CCDC73: variants seen among roughly 807,000 people sequenced by gnomAD.
CCDC73 encodes coiled-coil domain-containing protein 73.
In CCDC73, 95 loss-of-function variants were observed where a neutral mutation model predicts 116.5. The ratio of observed to expected loss-of-function variants is 0.82; its 90% confidence interval spans 0.69 to 0.97. The LOEUF (loss-of-function observed/expected upper bound fraction) is 0.97. CCDC73 is among the 50% of genes least tolerant of loss of function. CCDC73 has a pLI of 0.00. For synonymous variants in CCDC73, 398 were observed against 401.3 expected, an observed-to-expected ratio of 0.99 and a Z score of 0.10; for missense variants, 1,066 against 1,206.8, an observed-to-expected ratio of 0.88 and a Z score of 1.73.
At chr11:32,623,608 C>T (rs987142654) in intron 14 of CCDC73, among the ~76,000 whole-genome samples, 3 of 152,092 alleles carry the variant, frequency 2.0e-5, no homozygotes, top group African/African-American at 7.2e-5. Flanking sequence ...CCTGCCTTGG[C>T]CCCCAAAAGT....
At chr11:32,737,265 GTGTGTGTGTA>G (rs1285427160) in intron 2 of CCDC73, among the ~76,000 whole-genome samples, 3 of 145,066 alleles carry the variant, frequency 2.1e-5, no homozygotes, top group African/African-American at 8.1e-5. Flanking sequence ...GTGTGTGTGT[GTGTGTGTGTA>G]TATACATGGT....
At chr11:32,739,575 A>G (rs1565089685) in intron 2 of CCDC73, among the ~76,000 whole-genome samples, 1 of 152,118 alleles carries the variant, frequency 6.6e-6, no homozygotes, top group Non-Finnish European at 1.5e-5. Flanking sequence ...GAATATGTTT[A>G]TCAGTTCTAA....
chr11:32,676,341 G>C (rs1439453583), intron 7 of CCDC73, among the ~76,000 whole-genome samples: 1 of 152,046 alleles, frequency 6.6e-6, no homozygotes, highest in African/African-American at 2.4e-5. Context: ...AGAAAAGTGA[G>C]GAGAAAAAGC....
chr11:32,675,488 T>C, intron 9 of CCDC73, 77 bp downstream of exon 9: 1 of 877,708 alleles, frequency 1.1e-6, no homozygotes, highest in East Asian at 2.9e-5. Context: ...TCTACCCAAC[T>C]GTCCTCTAGT....
At chr11:32,770,346 A>T (rs1850482298) in intron 1 of CCDC73, among the ~76,000 whole-genome samples, 1 of 152,232 alleles carries the variant, frequency 6.6e-6, no homozygotes, top group Non-Finnish European at 1.5e-5. Context: ...AAAGCATTTC[A>T]TAAAGCTATC....
At chr11:32,748,130 AATGTT>A (rs1850256867) in intron 2 of CCDC73, among the ~76,000 whole-genome samples, 1 of 152,084 alleles carries the variant, frequency 6.6e-6, no homozygotes, top group South Asian at 2.1e-4. Flanking sequence ...ATTTACATTC[AATGTT>A]ATTATTGATA....
chr11:32,785,385 C>G (rs114322944), intron 1 of CCDC73, among the ~76,000 whole-genome samples: 3 of 151,906 alleles, frequency 2.0e-5, no homozygotes, highest in Non-Finnish European at 4.4e-5. Context: ...GAGAAATGCA[C>G]CAGTTTTTCT....
chr11:32,768,507 A>T (rs1192925022), intron 1 of CCDC73, among the ~76,000 whole-genome samples: 1 of 152,134 alleles, frequency 6.6e-6, no homozygotes, highest in Non-Finnish European at 1.5e-5. Flanking sequence ...AAGAAAGCAA[A>T]GAGGAAAAAA....
chr11:32,753,121 T>C (rs1038549474), intron 2 of CCDC73, among the ~76,000 whole-genome samples: 1 of 152,114 alleles, frequency 6.6e-6, no homozygotes, highest in African/African-American at 2.4e-5. Context: ...CAGTCACTTT[T>C]TTTTAACTTT....
the CCDC73 span, among the ~76,000 whole-genome samples, chr11:32,810,270 T>C: frequency 6.6e-6 from 1 of 152,146 alleles, no homozygotes; most frequent in African/African-American, 2.4e-5. Context: ...GGGAGGAAAA[T>C]TAATACTGTC....
At chr11:32,611,288 C>G in intron 16 of CCDC73, 23 bp from the exon 17 acceptor site, 1 of 1,602,670 alleles carries the variant, frequency 6.2e-7, no homozygotes, top group South Asian at 1.1e-5. Flanking sequence ...GAGGAAATGG[C>G]AACAACTGAA....
intron 2 of CCDC73, among the ~76,000 whole-genome samples, chr11:32,729,688 G>A (rs1177878465): frequency 3.3e-5 from 5 of 152,090 alleles, no homozygotes; most frequent in East Asian, 1.9e-4. Flanking sequence ...GCCAGCATCT[G>A]TTGTTTTTTG....
At chr11:32,765,290 A>G (rs531093795) in intron 1 of CCDC73, among the ~76,000 whole-genome samples, 1 of 152,312 alleles carries the variant, frequency 6.6e-6, no homozygotes, top group African/African-American at 2.4e-5. Flanking sequence ...AGAACTCTCC[A>G]CCCCAAATCG....
intron 17 of CCDC73, chr11:32,606,048 C>G (rs1855347435): frequency 6.6e-6 from 1 of 151,678 alleles, no homozygotes; most frequent in African/African-American, 2.4e-5. Flanking sequence ...TTTGCTTACT[C>G]TGGTTTTCCA....
intron 12 of CCDC73, among the ~76,000 whole-genome samples, chr11:32,643,968 T>C (rs541141347): frequency 3.2e-4 from 48 of 152,274 alleles, no homozygotes; most frequent in Middle Eastern, 3.4e-3. Context: ...TTTATATCCT[T>C]ATTCTATAAG....
intron 14 of CCDC73, among the ~76,000 whole-genome samples, chr11:32,620,290 T>A (rs991835843): frequency 6.6e-6 from 1 of 152,126 alleles, no homozygotes; most frequent in Non-Finnish European, 1.5e-5. Flanking sequence ...GGACCTCTCT[T>A]CACAGGATAG....
rs559624800 is a variant in CCDC73, at chr11:32,689,124, C to G, written c.391-5550G>C. Among the ~76,000 whole-genome samples, 6 of 152,166 alleles carry G rather than the reference C, an allele frequency of 3.9e-5. No individual in the cohort carries two copies. The South Asian group carries it at 1.2e-3, about 32-fold the overall frequency. Reference sequence around the variant, plus strand: ...TACCAACACAAAAAAATGTCTTTGCCTAGATCACTGGTCCAAAACCAAAAA... The same window carrying G: ...TACCAACACAAAAAAATGTCTTTGCGTAGATCACTGGTCCAAAACCAAAAA... On this transcript the variant is annotated intron_variant, in intron 6 of 17. Transcript: ENST00000335185.
chr11:32,694,274 GACAA>G (rs1486836838), intron 6 of CCDC73, among the ~76,000 whole-genome samples: 16 of 152,064 alleles, frequency 1.1e-4, no homozygotes, highest in Non-Finnish European at 1.9e-4. Flanking sequence ...ACCAATAACA[GACAA>G]ACAGAGAGCC....
At chr11:32,798,633 A>C (rs1417084222), upstream of CCDC73, among the ~76,000 whole-genome samples, 3 of 152,148 alleles carry the variant, frequency 2.0e-5, no homozygotes, top group Admixed American at 2.0e-4. Flanking sequence ...TGTCATTACA[A>C]TTTTTAGGAA....
Sources: allele counts gnomAD v4.1 joint callset (sites outside exome capture counted in the v4.1 genomes callset), GRCh38; gene constraint gnomAD v4.1.1; transcripts MANE v1.5; gene names NCBI Gene and HGNC (gene_info 2026-07-23, HGNC 2026-07-21).